The following CARM1 variants were observed in gnomAD, a reference collection of about 807,000 sequenced individuals.
The protein encoded by CARM1 is coactivator associated arginine methyltransferase 1.
CARM1 carries 14 observed loss-of-function variants against 72.7 expected under a neutral mutation model. The ratio of observed to expected loss-of-function variants is 0.19; its 90% CI spans 0.13 to 0.30. CARM1 has a LOEUF of 0.30. CARM1 is among the 10% of genes least tolerant of loss of function. The pLI is 1.00. For missense variants in CARM1, 432 were observed against 833.7 expected (o/e 0.52, Z 5.93); for synonymous variants, 333 against 345.5 (o/e 0.96, Z 0.40).
Position 10,916,332 on chromosome 19 carries a change from G to A in CARM1, c.848-75G>A. The A allele has an allele frequency of 1.0e-6, 1 of 997,124 alleles. No homozygotes were observed. The highest frequency in any genetic ancestry group is 1.6e-6 in the Non-Finnish European group (1 of 631,114). The allele number at this position is 997,124 out of a possible 1,614,324, so 61.8% of individuals were successfully genotyped here. A position where few individuals can be genotyped will look rare whatever the true frequency, so the allele number is the denominator to read the frequency against. ...GAGCACCCAGGGTTGGGGGTCTTGG[G>A]GTCCTTTGGAAGCTCTGCCAGGCAG... On this transcript the variant is annotated intron_variant, in intron 6 of 15. Transcript: ENST00000327064. This position sits in a 1 kb window ranked among gnomAD's most constrained non-coding sequence, Gnocchi z 4.4.
intron 2 of CARM1, 123 bp from the exon 3 acceptor site, chr19:10,907,916 T>G (rs2074116522): frequency 6.3e-6 from 4 of 632,190 alleles, no homozygotes. Context: ...GGAAGAGAAA[T>G]CACCAGCCCT....
intron 1 of CARM1, among the ~76,000 whole-genome samples, chr19:10,882,614 T>C (rs1438256990): frequency 6.8e-6 from 1 of 146,832 alleles, no homozygotes; most frequent in Non-Finnish European, 1.5e-5. Context: ...CGATTTCTGC[T>C]CATTGCAACC....
At chr19:10,887,938 G>T (rs2073953716) in intron 1 of CARM1, among the ~76,000 whole-genome samples, 1 of 152,206 alleles carries the variant, frequency 6.6e-6, no homozygotes, top group Admixed American at 6.5e-5. Flanking sequence ...AGCCCAGCTT[G>T]CTGCACTGAG....
At position 10,921,893 on chromosome 19, in the gene CARM1, A is replaced by G. The variant is rs1599714791; in HGVS notation, c.*136A>G. Reference sequence around the variant, plus strand: ...AGCTCTCTTTGCTATGGGAACTGGGACACTTTTTTACACGATGTTGCCGCC... The same window carrying G: ...AGCTCTCTTTGCTATGGGAACTGGGGCACTTTTTTACACGATGTTGCCGCC... On this transcript the variant is annotated 3_prime_UTR_variant, in exon 16 of 16. Coordinates refer to ENST00000327064, the MANE Select transcript of CARM1 (RefSeq NM_199141.2). The G allele has an allele frequency of 1.2e-6, 1 of 833,510 alleles. No homozygotes were observed. Among genetic ancestry groups the G allele is most frequent in the East Asian group, 2.7e-5 (1 of 36,410 alleles). The allele number at this position is 833,510 out of a possible 1,614,324, so 51.6% of individuals were successfully genotyped here. A position where few individuals can be genotyped will look rare whatever the true frequency, so the allele number is the denominator to read the frequency against.
At chr19:10,909,345 C>T (rs2074128503) in intron 4 of CARM1, 138 bp downstream of exon 4, 3 of 584,176 alleles carry the variant, frequency 5.1e-6, no homozygotes, top group Non-Finnish European at 9.2e-6. Context: ...GCAGGAGGAT[C>T]GCTTCAGTCC....
Position 10,909,195 on chromosome 19 carries a change from C to T in CARM1, c.546C>T (p.Asp182=). 1.9e-6 allele frequency: 3 copies of T among 1,612,680 alleles called. No homozygotes were observed. Among genetic ancestry groups the T allele is most frequent in the Non-Finnish European group, 2.5e-6 (3 of 1,178,780 alleles). ...GCGCCATCCTGCAAAACCACACCGA[C>T]TTCAAGGACAAGGTGAGTGGCCCGC... The part of the protein sequence containing the change: ...YQRAILQNHT[D]FKDKIVLDVG... The change falls in exon 4 of 16, where the codon GAC becomes GAT. Residue 182 remains aspartate (D), a synonymous_variant. Coordinates refer to ENST00000327064, the MANE Select transcript of CARM1 (RefSeq NM_199141.2).
At chr19:10,890,697 A>G (rs1306157019) in intron 1 of CARM1, among the ~76,000 whole-genome samples, 1 of 149,394 alleles carries the variant, frequency 6.7e-6, no homozygotes, top group Non-Finnish European at 1.5e-5. Flanking sequence ...ACACACATAT[A>G]TACACACACA....
chr19:10,878,766 C>T (rs993359015), intron 1 of CARM1, among the ~76,000 whole-genome samples: 5 of 151,058 alleles, frequency 3.3e-5, no homozygotes, highest in Non-Finnish European at 7.4e-5. Flanking sequence ...CCAAAGTCTC[C>T]TGGGCTCTTG....
intron 1 of CARM1, among the ~76,000 whole-genome samples, chr19:10,886,528 T>C (rs188653453): frequency 6.6e-6 from 1 of 151,270 alleles, no homozygotes; most frequent in East Asian, 2.0e-4. Context: ...ATCTTTTTTT[T>C]TCTTTTTTAG....
intron 4 of CARM1, 109 bp downstream of exon 4, chr19:10,909,316 A>G (rs1231735462): frequency 5.7e-6 from 4 of 707,948 alleles, no homozygotes; most frequent in Non-Finnish European, 9.6e-6. Context: ...CATTTATCTC[A>G]GTTACTGCAG....
chr19:10,904,745 T>C (rs1266051257), intron 1 of CARM1, among the ~76,000 whole-genome samples: 1 of 152,222 alleles, frequency 6.6e-6, no homozygotes, highest in African/African-American at 2.4e-5. Flanking sequence ...CAGGCTGTGT[T>C]CCTGCTGTCT....
At chr19:10,907,451 T>C (rs2074113877) in intron 2 of CARM1, among the ~76,000 whole-genome samples, 2 of 152,124 alleles carry the variant, frequency 1.3e-5, no homozygotes, top group South Asian at 4.1e-4. Flanking sequence ...TTTGTTTTTG[T>C]TTTTTAACGA....
chr19:10,887,995 G>T (rs963459857), intron 1 of CARM1, among the ~76,000 whole-genome samples: 1 of 152,188 alleles, frequency 6.6e-6, no homozygotes, highest in East Asian at 1.9e-4. Context: ...GGTCCCAGTC[G>T]CTCTGGGAGA....
chr19:10,912,163 C>T lies in CARM1; in HGVS notation c.559-21C>T, dbSNP rs779385912. 41 of 1,593,264 alleles carry T rather than the reference C, an allele frequency of 2.6e-5. No homozygotes were observed. The highest frequency in any genetic ancestry group is 3.3e-5 in the Non-Finnish European group (38 of 1,160,946). On this transcript the variant is annotated intron_variant, in intron 4 of 15. Coordinates refer to ENST00000327064, the MANE Select transcript of CARM1 (RefSeq NM_199141.2). The surrounding 1 kb of genome is among the most constrained non-coding windows in gnomAD (Gnocchi z 4.5). ...ACCGTCGCCTCCTATGTCTCGCTCT[C>T]ACCTCCCACTCCTCCCTCAGATCGT...
Position 10,905,458 on chromosome 19 carries a change from A to G in CARM1, c.346+382A>G, listed in dbSNP as rs2074096220. ...GGAAGAGTTTGCTCAGGGCGCAGAG[A>G]AGCCACCAGAAGGGCTTAACCAACC... is the stretch of plus-strand genomic sequence containing the variant. On this transcript the variant is annotated intron_variant, in intron 2 of 15. Transcript: ENST00000327064. 1.3e-5 allele frequency among the ~76,000 whole-genome samples: 2 copies of G among 152,076 alleles called. 1 individual carries two copies. The highest frequency in any genetic ancestry group is 4.1e-4 in the South Asian group (2 of 4,824).
rs139011504 is a variant in CARM1 at position 10,901,189 on chromosome 19, A to T, written c.221-3762A>T. Among the ~76,000 whole-genome samples the T allele has an allele frequency of 1.1e-3, 165 of 148,522 alleles. 1 individual carries two copies. Among genetic ancestry groups the T allele is most frequent in the African/African-American group, 3.9e-3 (155 of 39,842 alleles). On this transcript the variant is annotated intron_variant, in intron 1 of 15. Transcript: ENST00000327064. ...GTAGAGACGGCATTTTGCCATGTTG[A>T]CCAGGCTGGTCTTGAACTCCTGACC...
chr19:10,912,113 T>G lies in CARM1; in HGVS notation c.559-71T>G. On this transcript the variant is annotated intron_variant, in intron 4 of 15. Transcript: ENST00000327064. The surrounding 1 kb of genome is among the most constrained non-coding windows in gnomAD (Gnocchi z 4.5). Reference sequence around the variant, plus strand: ...AGACGCCTCATGATGTGCACATCCCTTATGATCACTGTCACCTCCCCATCA... The same window carrying G: ...AGACGCCTCATGATGTGCACATCCCGTATGATCACTGTCACCTCCCCATCA... 9.3e-7 allele frequency: 1 copy of G among 1,080,126 alleles called. No individual in the cohort carries two copies. The highest frequency in any genetic ancestry group is 1.4e-6 in the Non-Finnish European group (1 of 692,326). The allele number at this position is 1,080,126 out of a possible 1,614,324, so 66.9% of individuals were successfully genotyped here.
chr19:10,890,726 TAG>T (rs1203524804), intron 1 of CARM1, among the ~76,000 whole-genome samples: 1 of 144,078 alleles, frequency 6.9e-6, no homozygotes, highest in Non-Finnish European at 1.5e-5. Flanking sequence ...CATGAATATA[TAG>T]ACACATATAT....
intron 1 of CARM1, among the ~76,000 whole-genome samples, chr19:10,888,894 C>T (rs1003535442): frequency 9.2e-5 from 14 of 152,220 alleles, no homozygotes; most frequent in Admixed American, 5.9e-4. Context: ...GCCCTTCGCA[C>T]ACCCCACAAC....
Sources: gnomAD v4.1 joint callset for allele counts (sites outside exome capture counted in the v4.1 genomes callset) on GRCh38, gnomAD v4.1.1 for gene constraint, Gnocchi (gnomAD v3.1) non-coding constraint, MANE v1.5 for transcripts, NCBI Gene and HGNC (gene_info 2026-07-23, HGNC 2026-07-21) for gene names.